ENOPH1: variants seen among roughly 807,000 people sequenced by gnomAD.
ENOPH1 encodes the protein enolase-phosphatase 1.
In ENOPH1, 14 loss-of-function variants were observed where a neutral mutation model predicts 31.1. The observed-to-expected ratio is 0.45, with a 90% CI of 0.30 to 0.70. The LOEUF (loss-of-function observed/expected upper bound fraction) is 0.70. ENOPH1 is among the 30% of genes least tolerant of loss of function. ENOPH1 has a pLI of 0.09. For synonymous variants in ENOPH1, 127 were observed against 123.2 expected, an observed-to-expected ratio of 1.03 and a Z score of -0.21; for missense variants, 243 against 321.5, an observed-to-expected ratio of 0.76 and a Z score of 1.87.
chr4:82,443,931 A>G (rs963739087), intron 1 of ENOPH1, among the ~76,000 whole-genome samples: 5 of 152,004 alleles, frequency 3.3e-5, no homozygotes, highest in African/African-American at 9.7e-5. Flanking sequence ...GCTGGAGTAC[A>G]GTGGTGTGAT....
rs1281598716 is a variant in ENOPH1, at chr4:82,460,749, C to T, written c.*629C>T. 1 of 152,224 alleles carries T rather than the reference C, an allele frequency of 6.6e-6. No individual in the cohort carries two copies. Among genetic ancestry groups the T allele is most frequent in the Non-Finnish European group, 1.5e-5 (1 of 68,076 alleles). 9.4% of individuals were successfully genotyped at this position (152,224 alleles called of 1,614,324 possible). ...CACCCACAGCAAGCAGTTGCCTTAC[C>T]AGTGAAAAAGGTGCACTGAGGTAAC... On this transcript the variant is annotated 3_prime_UTR_variant, in exon 6 of 6. Coordinates refer to ENST00000273920, the MANE Select transcript of ENOPH1 (RefSeq NM_021204.5).
At chr4:82,432,644 C>CGTTTTGTTTT (rs57944208) in intron 1 of ENOPH1, among the ~76,000 whole-genome samples, 3,255 of 151,320 alleles carry the variant, frequency 0.022, 113 homozygotes, top group African/African-American at 0.071. Flanking sequence ...CTCTTCCCCA[C>CGTTTTGTTTT]GTTTTGTTTT....
At chr4:82,436,496 C>T (rs914951281) in intron 1 of ENOPH1, among the ~76,000 whole-genome samples, 6 of 151,642 alleles carry the variant, frequency 4.0e-5, no homozygotes, top group Admixed American at 1.3e-4. Flanking sequence ...GACCAGCCTG[C>T]GCAATGTAGC....
intron 1 of ENOPH1, among the ~76,000 whole-genome samples, chr4:82,435,758 G>A (rs1721889320): frequency 6.6e-6 from 1 of 152,182 alleles, no homozygotes; most frequent in Non-Finnish European, 1.5e-5. Flanking sequence ...AGCCTACAAG[G>A]AATGGCACAC....
At chr4:82,436,858 C>G (rs966167115) in intron 1 of ENOPH1, among the ~76,000 whole-genome samples, 3 of 152,146 alleles carry the variant, frequency 2.0e-5, no homozygotes, top group African/African-American at 7.2e-5. Context: ...AAAGCTGGGA[C>G]TGTCATGTTC....
chr4:82,442,558 A>AT (rs144884263), intron 1 of ENOPH1, among the ~76,000 whole-genome samples: 3,946 of 150,654 alleles, frequency 0.026, 159 homozygotes, highest in African/African-American at 0.09. Flanking sequence ...GCAATCTATG[A>AT]TTTTTTTTTT....
intron 1 of ENOPH1, among the ~76,000 whole-genome samples, chr4:82,431,730 CCT>C (rs1721768149): frequency 6.6e-6 from 1 of 151,930 alleles, no homozygotes; most frequent in African/African-American, 2.4e-5. Context: ...TATTTGGCTC[CCT>C]GAGGTTTAAG....
chr4:82,439,170 A>G (rs1248305397), intron 1 of ENOPH1, among the ~76,000 whole-genome samples: 1 of 152,224 alleles, frequency 6.6e-6, no homozygotes, highest in Admixed American at 6.5e-5. Context: ...TCTTTAGGAC[A>G]GAAAGGGGTT....
chr4:82,457,629 A>G (rs1408143657), intron 5 of ENOPH1, among the ~76,000 whole-genome samples: 1 of 152,194 alleles, frequency 6.6e-6, no homozygotes, highest in Non-Finnish European at 1.5e-5. Context: ...ACACACACAC[A>G]CACACTATGA....
chr4:82,455,488 A>C (rs924988776), intron 4 of ENOPH1, among the ~76,000 whole-genome samples: 5 of 152,162 alleles, frequency 3.3e-5, no homozygotes, highest in African/African-American at 1.2e-4. Flanking sequence ...TTTTAAAAAT[A>C]AATATTTACC....
intron 1 of ENOPH1, among the ~76,000 whole-genome samples, chr4:82,437,777 G>A (rs1470578796): frequency 6.6e-6 from 1 of 152,186 alleles, no homozygotes; most frequent in Non-Finnish European, 1.5e-5. Context: ...GCAGAGACCA[G>A]AGCCTCACAC....
At chr4:82,454,531 T>C (rs796814866) in intron 3 of ENOPH1, among the ~76,000 whole-genome samples, 191 bp from the exon 4 acceptor site, 1 of 152,242 alleles carries the variant, frequency 6.6e-6, no homozygotes, top group Non-Finnish European at 1.5e-5. Flanking sequence ...AGATTGTTGC[T>C]TCTAATCTGC....
At chr4:82,433,384 G>A (rs1721826355) in intron 1 of ENOPH1, among the ~76,000 whole-genome samples, 1 of 152,046 alleles carries the variant, frequency 6.6e-6, no homozygotes, top group African/African-American at 2.4e-5. Flanking sequence ...AAATTTTTCT[G>A]AATTTGACGC....
At chr4:82,446,490 A>G (rs1331596031) in intron 1 of ENOPH1, among the ~76,000 whole-genome samples, 1 of 152,098 alleles carries the variant, frequency 6.6e-6, no homozygotes, top group East Asian at 1.9e-4. Flanking sequence ...CAATCCTCCG[A>G]TGACTTTGCC....
intron 1 of ENOPH1, among the ~76,000 whole-genome samples, chr4:82,437,730 G>A (rs1252809431): frequency 2.0e-5 from 3 of 152,168 alleles, no homozygotes; most frequent in African/African-American, 7.2e-5. Context: ...TTGGATGTGT[G>A]TCCTCTTTTT....
intron 1 of ENOPH1, among the ~76,000 whole-genome samples, chr4:82,440,465 G>A (rs1293230536): frequency 5.3e-5 from 8 of 152,210 alleles, no homozygotes; most frequent in South Asian, 4.1e-4. Context: ...CTCTGCACCA[G>A]CAGCGAAACC....
At chr4:82,443,550 A>G (rs1553902334) in intron 1 of ENOPH1, among the ~76,000 whole-genome samples, 3 of 150,970 alleles carry the variant, frequency 2.0e-5, no homozygotes, top group Non-Finnish European at 4.4e-5. Context: ...AACATGGTGA[A>G]ACCCCGTCTC....
intron 5 of ENOPH1, among the ~76,000 whole-genome samples, chr4:82,457,879 CA>C (rs1187794363): frequency 3.3e-5 from 5 of 152,202 alleles, no homozygotes; most frequent in African/African-American, 1.2e-4. Context: ...TATTTGGGAT[CA>C]CATAGTACAT....
At chr4:82,448,271 T>TG (rs1722250146) in intron 2 of ENOPH1, among the ~76,000 whole-genome samples, 1 of 105,866 alleles carries the variant, frequency 9.4e-6, no homozygotes, top group East Asian at 2.0e-4. Flanking sequence ...GTTTTTTTTG[T>TG]TTTTTTTTGA....
Sources: gnomAD v4.1 joint callset for allele counts (sites outside exome capture counted in the v4.1 genomes callset) on GRCh38, gnomAD v4.1.1 for gene constraint, MANE v1.5 for transcripts, NCBI Gene and HGNC (gene_info 2026-07-23, HGNC 2026-07-21) for gene names.